Variants in LMNA observed in about 807,000 individuals in gnomAD.
LMNA encodes the protein lamin A/C.
In LMNA, 20 loss-of-function variants were observed where a neutral mutation model predicts 70.4. The ratio of observed to expected loss-of-function variants is 0.28; its 90% confidence interval spans 0.20 to 0.41. LMNA has a LOEUF of 0.41. Among genes scored for constraint, LMNA ranks in the 10% least tolerant of loss-of-function variants. The pLI, the probability that LMNA is intolerant of heterozygous loss-of-function variation, is 1.00. For synonymous variants in LMNA, 339 were observed against 372.8 expected (o/e 0.91, Z 1.04); for missense variants, 652 against 917.2 (o/e 0.71, Z 3.73).
chr1:156,125,881 G>A (rs1215958310), intron 1 of LMNA, among the ~76,000 whole-genome samples: 1 of 151,500 alleles, frequency 6.6e-6, no homozygotes, highest in Non-Finnish European at 1.5e-5. Flanking sequence ...CCAGCTACTC[G>A]GGAGGCTGAG....
upstream of LMNA, among the ~76,000 whole-genome samples, chr1:156,110,661 T>C (rs911498159): frequency 6.6e-6 from 1 of 151,742 alleles, no homozygotes; most frequent in African/African-American, 2.4e-5. Flanking sequence ...CTTGGCAACA[T>C]AGTGAGACCC....
At chr1:156,132,205 C>G (rs922666531) in intron 2 of LMNA, among the ~76,000 whole-genome samples, 28 of 151,970 alleles carry the variant, frequency 1.8e-4, no homozygotes, top group African/African-American at 6.8e-4. Context: ...CACGGTGGCT[C>G]ATGCCTGTAA....
At chr1:156,113,982 G>C (rs909460989), upstream of LMNA, among the ~76,000 whole-genome samples, 1 of 152,168 alleles carries the variant, frequency 6.6e-6, no homozygotes, top group Non-Finnish European at 1.5e-5. Flanking sequence ...GACTTCTTTA[G>C]GGGACTGTGG....
Position 156,137,203 on chromosome 1 carries a change from C to T in LMNA, c.1579C>T (p.Arg527Cys), listed in dbSNP as rs57318642. The T allele has an allele frequency of 8.1e-6, 13 of 1,599,046 alleles. No individual in the cohort carries two copies. The highest frequency in any genetic ancestry group is 6.8e-5 in the East Asian group (3 of 44,318). ...CACCTGGGGCTGCGGGAACAGCCTG[C>T]GTACGGCTCTCATCAACTCCACTGG... ...QNTWGCGNSL[R>C]TALINSTGEE... The change falls in exon 9 of 12, where the codon CGT becomes TGT. Residue 527 changes from arginine to cysteine, a missense_variant. Around this residue, in one of 4 missense-constraint regions of LMNA, gnomAD observed 327 missense variants for 387.6 expected, o/e 0.84. Coordinates refer to ENST00000368300, the MANE Select transcript of LMNA (RefSeq NM_170707.4). This position sits in a 1 kb window ranked among gnomAD's most constrained non-coding sequence, Gnocchi z 4.6.
intron 1 of LMNA, chr1:156,129,696 G>A: frequency 1.7e-6 from 1 of 605,140 alleles, no homozygotes. Flanking sequence ...AGGTTTTTAA[G>A]AAAATAGGAC....
intron 1 of LMNA, among the ~76,000 whole-genome samples, chr1:156,129,419 C>G (rs1650857324): frequency 6.6e-6 from 1 of 152,186 alleles, no homozygotes. Flanking sequence ...TGCTGGGCCT[C>G]TTGGAGTTTA....
chr1:156,119,730 CCCCCTCCCTCCCA>C (rs944918834), intron 1 of LMNA, among the ~76,000 whole-genome samples: 1 of 152,096 alleles, frequency 6.6e-6, no homozygotes, highest in African/African-American at 2.4e-5. Flanking sequence ...CAGATGCTGC[CCCCCTCCCTCCCA>C]CCCTGGTGGC....
At chr1:156,111,163 T>C (rs1649524371), upstream of LMNA, among the ~76,000 whole-genome samples, 1 of 151,826 alleles carries the variant, frequency 6.6e-6, no homozygotes, top group Non-Finnish European at 1.5e-5. Context: ...CAAGATAAAG[T>C]GCCTAGGCCT....
intron 3 of LMNA, among the ~76,000 whole-genome samples, chr1:156,097,264 T>A (rs1460886573): frequency 1.3e-5 from 2 of 152,218 alleles, no homozygotes; most frequent in Non-Finnish European, 1.5e-5. Context: ...CCGCAAGCAG[T>A]GATTCACCAC....
intron 3 of LMNA, among the ~76,000 whole-genome samples, chr1:156,097,851 A>C (rs566119414): frequency 6.6e-6 from 1 of 152,160 alleles, no homozygotes; most frequent in Non-Finnish European, 1.5e-5. Context: ...AGCCCAAGAG[A>C]GTAGGCCCCA....
At chr1:156,113,215 A>G (rs1015080597), upstream of LMNA, among the ~76,000 whole-genome samples, 2 of 152,104 alleles carry the variant, frequency 1.3e-5, no homozygotes, top group African/African-American at 4.8e-5. Flanking sequence ...GAGGCAGGAG[A>G]ATCTCTTGAA....
At chr1:156,098,967 A>G (rs1649041811) in intron 3 of LMNA, among the ~76,000 whole-genome samples, 1 of 152,158 alleles carries the variant, frequency 6.6e-6, no homozygotes, top group Non-Finnish European at 1.5e-5. Context: ...CTGAGCACTA[A>G]TTAGCTCTGG....
Position 156,138,571 on chromosome 1 carries a change from T to C in LMNA, c.1782T>C (p.Pro594=), listed in dbSNP as rs1240036524. The C allele has an allele frequency of 6.2e-7, 1 of 1,612,630 alleles. No individual in the cohort carries two copies. The highest frequency in any genetic ancestry group is 1.3e-5 in the African/African-American group (1 of 74,926). ...TGCTGTGCGGGACCTGCGGGCAGCC[T>C]GCCGACAAGGCATCTGCCAGCGGCT... ...RTVLCGTCGQ[P]ADKASASGSG... is the part of the protein sequence containing the mutation. Residue 594 remains proline (P), a synonymous_variant, in exon 11 of 12, where the codon CCT becomes CCC. Transcript: ENST00000368300. This position sits in a 1 kb window ranked among gnomAD's most constrained non-coding sequence, Gnocchi z 5.5.
In LMNA at chr1:156,134,606, G is replaced by A. The variant is rs1651370064; in HGVS notation, c.639+78G>A. On this transcript the variant is annotated intron_variant, in intron 3 of 11. Transcript: ENST00000368300. The surrounding 1 kb of genome is among the most constrained non-coding windows in gnomAD (Gnocchi z 5.3). Reference sequence around the variant, plus strand: ...TGGGCTGGGCTAGGGGGGACCAGCTGTGTGCAGAGCTCGCCTTCCTGAGTC... The same window carrying A: ...TGGGCTGGGCTAGGGGGGACCAGCTATGTGCAGAGCTCGCCTTCCTGAGTC... The A allele has an allele frequency of 1.3e-6, 2 of 1,598,728 alleles. No homozygotes were observed. The highest frequency in any genetic ancestry group is 1.7e-6 in the Non-Finnish European group (2 of 1,169,116).
In LMNA at chr1:156,130,559, G is replaced by GC. The variant is rs1650960903; in HGVS notation, c.357-57dup. Reference sequence around the variant, plus strand: ...CCATGGCTGACCTCCTGGGAGCCTGGCACTGTCTAGGCACACAGACTCCTT... The same window carrying GC: ...CCATGGCTGACCTCCTGGGAGCCTGGCCACTGTCTAGGCACACAGACTCCTT... On this transcript the variant is annotated intron_variant, in intron 1 of 11. Transcript: ENST00000368300. The GC allele has an allele frequency of 1.9e-6, 3 of 1,584,314 alleles. No individual in the cohort carries two copies. In the Admixed American group the frequency reaches 5.0e-5, roughly 26 times the overall value.
At chr1:156,121,847 CTT>C (rs1407548025) in intron 1 of LMNA, among the ~76,000 whole-genome samples, 1 of 152,102 alleles carries the variant, frequency 6.6e-6, no homozygotes, top group African/African-American at 2.4e-5. Flanking sequence ...TGCAGGGTCT[CTT>C]ATCCCTCAAT....
At chr1:156,129,932 G>C (rs966080859) in intron 1 of LMNA, 2 of 750,240 alleles carry the variant, frequency 2.7e-6, no homozygotes, top group African/African-American at 3.4e-5. Flanking sequence ...TTCTCCCAGG[G>C]CACGGATGAG....
chr1:156,109,820 A>ATGTGTGTGTGTGTG (rs71080747), upstream of LMNA: 1,353 of 123,640 alleles, frequency 0.011, 29 homozygotes, highest in African/African-American at 0.049. Flanking sequence ...GTGTGTGTGC[A>ATGTGTGTGTGTGTG]TATATATATA....
chr1:156,117,317 C>T (rs1649902309), intron 1 of LMNA, among the ~76,000 whole-genome samples: 1 of 151,964 alleles, frequency 6.6e-6, no homozygotes. Flanking sequence ...TCACTGCAAC[C>T]TCTGCCTCCC....
Sources: allele counts gnomAD v4.1 joint callset (sites outside exome capture counted in the v4.1 genomes callset), GRCh38; gene constraint gnomAD v4.1.1; regional missense constraint gnomAD v4.1.1; non-coding constraint Gnocchi (gnomAD v3.1); transcripts MANE v1.5; gene names NCBI Gene and HGNC (gene_info 2026-07-23, HGNC 2026-07-21).